RSPO2: variants seen among roughly 807,000 people sequenced by gnomAD.
RSPO2 encodes R-spondin 2, also known as R-spondin-2.
A neutral mutation model predicts 30.9 loss-of-function variants in RSPO2; 14 were observed. The observed-to-expected ratio is 0.45, with a 90% CI of 0.30 to 0.71. RSPO2 has a LOEUF of 0.71. Ranked by LOEUF, RSPO2 falls within the 30% of genes least tolerant of loss-of-function variation. The pLI is 0.08. For synonymous variants in RSPO2, 107 were observed against 96.4 expected, an observed-to-expected ratio of 1.11 and a Z score of -0.64; for missense variants, 264 against 301.9, an observed-to-expected ratio of 0.87 and a Z score of 0.93.
intron 5 of RSPO2, among the ~76,000 whole-genome samples, chr8:107,913,128 G>T (rs1224532850): frequency 6.6e-6 from 1 of 152,158 alleles, no homozygotes; most frequent in Non-Finnish European, 1.5e-5. Context: ...GATCAGAGAG[G>T]TAAAGTAAAC....
At chr8:108,082,496 C>T in intron 2 of RSPO2, 49 bp downstream of exon 2, 1 of 1,476,224 alleles carries the variant, frequency 6.8e-7, no homozygotes, top group South Asian at 1.1e-5. Flanking sequence ...AGCGCCTCCA[C>T]ACGCCACCCC....
At chr8:107,982,128 T>C (rs1343060081) in intron 3 of RSPO2, among the ~76,000 whole-genome samples, 1 of 151,224 alleles carries the variant, frequency 6.6e-6, no homozygotes, top group Non-Finnish European at 1.5e-5. Flanking sequence ...GGTAGAATCA[T>C]AAAATGTAGC....
chr8:107,901,524 C>T (rs758125250), intron 5 of RSPO2, among the ~76,000 whole-genome samples: 10 of 152,224 alleles, frequency 6.6e-5, no homozygotes, highest in Non-Finnish European at 1.5e-4. Context: ...CTTTTCTACA[C>T]ATCTTTACAT....
intron 2 of RSPO2, among the ~76,000 whole-genome samples, chr8:108,001,732 C>T (rs1438011537): frequency 2.0e-5 from 3 of 151,938 alleles, no homozygotes; most frequent in African/African-American, 7.3e-5. Context: ...AAATAAGCCA[C>T]CTGCTTGAAT....
intron 2 of RSPO2, among the ~76,000 whole-genome samples, chr8:108,013,699 C>T (rs1586627883): frequency 6.6e-6 from 1 of 152,114 alleles, no homozygotes; most frequent in Non-Finnish European, 1.5e-5. Context: ...TAAAAATTAA[C>T]TCAAGATAGA....
Position 107,945,119 on chromosome 8 carries a change from C to G in RSPO2, c.616+12961G>C, listed in dbSNP as rs368892627. Among the ~76,000 whole-genome samples the G allele has an allele frequency of 2.6e-5, 4 of 151,854 alleles. No individual in the cohort carries two copies. The East Asian group carries it at 5.8e-4, about 22-fold the overall frequency. On this transcript the variant is annotated intron_variant, in intron 5 of 5. Coordinates refer to ENST00000276659, the MANE Select transcript of RSPO2 (RefSeq NM_178565.5). ...ATGAATCATCACAAATGGGCAATGA[C>G]TTTTTCTTCCCTGTGTGAATTCTGT...
chr8:107,983,654 G>C (rs1563550191), intron 3 of RSPO2: 2 of 1,593,732 alleles, frequency 1.3e-6, no homozygotes, highest in Non-Finnish European at 1.7e-6. Flanking sequence ...GATTTGAAGA[G>C]GCATGTGGAA....
chr8:107,983,830 C>T, intron 3 of RSPO2: 2 of 1,602,694 alleles, frequency 1.2e-6, no homozygotes, highest in Non-Finnish European at 8.5e-7. Flanking sequence ...ACTGCTACAG[C>T]CTCCTCAACC....
chr8:108,005,508 T>C (rs1815423335), intron 2 of RSPO2, among the ~76,000 whole-genome samples: 2 of 151,348 alleles, frequency 1.3e-5, no homozygotes, highest in Non-Finnish European at 1.5e-5. Context: ...GGGAGGCCTT[T>C]CCCTTCTCCC....
At chr8:108,010,404 C>T (rs890115742) in intron 2 of RSPO2, among the ~76,000 whole-genome samples, 3 of 152,228 alleles carry the variant, frequency 2.0e-5, no homozygotes, top group African/African-American at 7.2e-5. Flanking sequence ...GGTGCTCCTT[C>T]ATCCCAGACA....
intron 3 of RSPO2, among the ~76,000 whole-genome samples, chr8:107,962,192 T>C (rs1250004268): frequency 2.6e-5 from 4 of 152,084 alleles, no homozygotes; most frequent in Non-Finnish European, 5.9e-5. Flanking sequence ...ATATAGTTCC[T>C]ATAAGCAAAG....
intron 3 of RSPO2, among the ~76,000 whole-genome samples, chr8:107,972,442 A>G (rs747977610): frequency 6.6e-6 from 1 of 152,100 alleles, no homozygotes; most frequent in African/African-American, 2.4e-5. Context: ...CACTGTGCCC[A>G]GCCCATTTTG....
intron 2 of RSPO2, among the ~76,000 whole-genome samples, chr8:108,059,644 C>A (rs1240025333): frequency 6.8e-6 from 1 of 147,232 alleles, no homozygotes; most frequent in Non-Finnish European, 1.5e-5. Context: ...AAATGTGGCA[C>A]ATATACACCA....
chr8:107,921,489 G>T (rs1222537604), intron 5 of RSPO2, among the ~76,000 whole-genome samples: 1 of 152,034 alleles, frequency 6.6e-6, no homozygotes, highest in African/African-American at 2.4e-5. Context: ...AGTACTGAAA[G>T]TAACTATCAA....
chr8:108,032,806 A>T (rs562701168), intron 2 of RSPO2, among the ~76,000 whole-genome samples: 6 of 151,736 alleles, frequency 4.0e-5, no homozygotes, highest in East Asian at 2.0e-4. Flanking sequence ...AATTTTAAAA[A>T]TTTTTTACTT....
intron 3 of RSPO2, among the ~76,000 whole-genome samples, chr8:107,977,311 C>A (rs959513570): frequency 2.6e-5 from 4 of 152,182 alleles, no homozygotes; most frequent in Admixed American, 6.5e-5. Context: ...CCAGTCGGGT[C>A]AGCCACACCT....
At chr8:107,916,738 A>G (rs761149364) in intron 5 of RSPO2, among the ~76,000 whole-genome samples, 15 of 152,182 alleles carry the variant, frequency 9.9e-5, no homozygotes, top group Non-Finnish European at 2.1e-4. Flanking sequence ...GAAGGGAATT[A>G]TTTAATTGTT....
intron 2 of RSPO2, among the ~76,000 whole-genome samples, chr8:108,044,652 G>A (rs1811858777): frequency 6.6e-6 from 1 of 151,908 alleles, no homozygotes; most frequent in Non-Finnish European, 1.5e-5. Context: ...TTGCTATTGT[G>A]AGCAGTGCTG....
Position 107,977,597 on chromosome 8 carries a change from G to A in RSPO2, c.283+11459C>T, listed in dbSNP as rs577682129. Among the ~76,000 whole-genome samples, 3 of 152,264 alleles carry A rather than the reference G, an allele frequency of 2.0e-5. No homozygotes were observed. The South Asian group carries it at 6.2e-4, about 32-fold the overall frequency. ...AATAAAAAACATAGCTAAAGTTTGG[G>A]GGAGTGGGTCTGAGAGAGACAGACA... On this transcript the variant is annotated intron_variant, in intron 3 of 5. Coordinates refer to ENST00000276659, the MANE Select transcript of RSPO2 (RefSeq NM_178565.5).
Sources: gnomAD v4.1 joint callset for allele counts (sites outside exome capture counted in the v4.1 genomes callset) on GRCh38, gnomAD v4.1.1 for gene constraint, MANE v1.5 for transcripts, NCBI Gene and HGNC (gene_info 2026-07-23, HGNC 2026-07-21) for gene names.